The following TTN variants were observed in gnomAD, a reference collection of about 807,000 sequenced individuals.
The protein encoded by TTN is connectin.
Under a neutral mutation model 3,223.0 loss-of-function variants are expected in TTN, and 1,525 were observed. The ratio of observed to expected loss-of-function variants is 0.47; its 90% CI spans 0.45 to 0.49. The LOEUF is 0.49. Ranked by LOEUF, TTN falls within the 20% of genes least tolerant of loss-of-function variation. The pLI is 0.00. For missense variants in TTN, 40,786 were observed against 43,424.0 expected (o/e 0.94, Z 5.40); for synonymous variants, 14,094 against 15,161.0 (o/e 0.93, Z 5.17).
At position 178,539,811 on chromosome 2, in the gene TTN, C is replaced by T. The variant is rs1239140833; in HGVS notation, c.98254G>A (p.Ala32752Thr). 2 of 1,613,842 alleles carry T rather than the reference C, an allele frequency of 1.2e-6. No homozygotes were observed. The highest frequency in any genetic ancestry group is 2.2e-5 in the South Asian group (2 of 91,078). ...AGCTCAGTGTGTGTTTCAGATGTTGCAATCATGGCACGCTTACTAATATCC... is the reference window on the plus strand; with the variant it reads ...AGCTCAGTGTGTGTTTCAGATGTTGTAATCATGGCACGCTTACTAATATCC... ...GQDISKRAMI[A>T]TSETHTELVI... The change falls in exon 352 of 363, where the codon GCA (alanine) becomes ACA (threonine). Residue 32752 changes from alanine (A) to threonine (T), a missense_variant. Transcript: ENST00000589042.
At position 178,576,376 on chromosome 2, in the gene TTN, A is replaced by G; in HGVS notation, c.69756T>C (p.Thr23252=). Residue 23252 remains threonine (T), a synonymous_variant, in exon 326 of 363, where the codon ACT becomes ACC. Coordinates refer to ENST00000589042, the MANE Select transcript of TTN (RefSeq NM_001267550.2). This position sits in a 1 kb window ranked among gnomAD's most constrained non-coding sequence, Gnocchi z 4.3. ...ATGCCAAAGAAGCAGATTTCTTGGT[A>G]GTATCAGTGACATGCGGATTTGAAG... is the stretch of plus-strand genomic sequence containing the variant. ...GPPSNPHVTD[T]TKKSASLAWG... 6.4e-7 allele frequency: 1 copy of G among 1,559,752 alleles called. No individual in the cohort carries two copies. Among genetic ancestry groups the G allele is most frequent in the African/African-American group, 1.4e-5 (1 of 72,344 alleles).
At chr2:178,602,677 T>C in intron 282 of TTN, 87 bp from the exon 283 acceptor site, 1 of 967,190 alleles carries the variant, frequency 1.0e-6, no homozygotes, top group East Asian at 3.1e-5. Flanking sequence ...TCATATATTA[T>C]TTTAATCTAT....
chr2:178,639,819 T>C (rs72650073), intron 222 of TTN, 31 bp from the exon 223 acceptor site: 364 of 1,542,632 alleles, frequency 2.4e-4, no homozygotes, highest in Non-Finnish European at 3.0e-4. Flanking sequence ...CATTAGTGTA[T>C]CAATTTGTCA....
chr2:178,669,384 G>A lies in TTN; in HGVS notation c.35534C>T (p.Thr11845Ile), dbSNP rs1449579730. 1 of 1,522,376 alleles carries A rather than the reference G, an allele frequency of 6.6e-7. No individual in the cohort carries two copies. Among genetic ancestry groups the A allele is most frequent in the Non-Finnish European group, 8.7e-7 (1 of 1,145,420 alleles). The allele number at this position is 1,522,376 out of a possible 1,614,324, so 94.3% of individuals were successfully genotyped here. The change falls in exon 159 of 363, where the codon ACA (threonine) becomes ATA (isoleucine). Residue 11845 changes from threonine to isoleucine, a missense_variant. Coordinates refer to ENST00000589042, the MANE Select transcript of TTN (RefSeq NM_001267550.2). The stretch of plus-strand genomic sequence containing the variant: ...TTTTCTACACTCACTGTACATCTCT[G>A]TGTCTTCAGAAATAACAATAGGTGA... Reference protein sequence around the residue: ...EKSPIVISEDTEMYIYEASEE... With the variant: ...EKSPIVISEDIEMYIYEASEE...
chr2:178,758,862 G>A (rs1191977783), intron 44 of TTN, 122 bp downstream of exon 44: 8 of 1,021,540 alleles, frequency 7.8e-6, no homozygotes, highest in African/African-American at 1.6e-5. Flanking sequence ...GAAATAATTA[G>A]TTGAATTAGA....
chr2:178,599,994 A>G, intron 288 of TTN, 144 bp from the exon 289 acceptor site: 1 of 759,556 alleles, frequency 1.3e-6, no homozygotes, highest in Non-Finnish European at 2.0e-6. Context: ...TTCTGTCTTT[A>G]ACACTATTAC....
At chr2:178,684,237 C>A (rs1266601770) in intron 132 of TTN, 93 bp downstream of exon 132, 29 of 1,426,608 alleles carry the variant, frequency 2.0e-5, no homozygotes, top group Non-Finnish European at 2.7e-5. Context: ...TCAACAACAA[C>A]AACAACAACA....
chr2:178,729,487 C>T lies in TTN; in HGVS notation c.18669G>A (p.Thr6223=), dbSNP rs772600691. ...YSDVELECEV[T]GTPPFEVTWL... ...AAGTGACTTCAAACGGAGGTGTTCC[C>T]GTAACTTCACACTCCAGCTCCACGT... The change falls in exon 64 of 363, where the codon ACG becomes ACA. Residue 6223 remains threonine (T), a synonymous_variant. Coordinates refer to ENST00000589042, the MANE Select transcript of TTN (RefSeq NM_001267550.2). 19 of 1,613,434 alleles carry T rather than the reference C, an allele frequency of 1.2e-5. No individual in the cohort carries two copies. Among genetic ancestry groups the T allele is most frequent in the Middle Eastern group, 1.6e-4 (1 of 6,072 alleles).
In TTN at chr2:178,597,675, T is replaced by C; in HGVS notation, c.57407A>G (p.Glu19136Gly). The C allele has an allele frequency of 6.2e-7, 1 of 1,613,366 alleles. No homozygotes were observed. Among genetic ancestry groups the C allele is most frequent in the Non-Finnish European group, 8.5e-7 (1 of 1,179,554 alleles). The change falls in exon 294 of 363, where the codon GAA becomes GGA. Residue 19136 changes from glutamate (E) to glycine (G), a missense_variant. By Grantham distance (98) the Glu-to-Gly change is moderately conservative (BLOSUM62 -2). Transcript: ENST00000589042. ...AATGGCTGTGGTCTCAATGGTGGCTTCTTGAGGTAAGGTTCTTTCATTCAT... is the reference window on the plus strand; with the variant it reads ...AATGGCTGTGGTCTCAATGGTGGCTCCTTGAGGTAAGGTTCTTTCATTCAT... ...WNMNERTLPQ[E>G]ATIETTAISS... is the part of the protein sequence containing the mutation.
chr2:178,688,603 T>C, intron 126 of TTN, 74 bp downstream of exon 126: 2 of 1,010,414 alleles, frequency 2.0e-6, no homozygotes, highest in Non-Finnish European at 1.6e-6. Flanking sequence ...AAGTAAACAA[T>C]CACATGTGGA....
At chr2:178,794,784 T>C (rs2093680395) in intron 7 of TTN, 138 bp downstream of exon 7, 2 of 1,196,202 alleles carry the variant, frequency 1.7e-6, no homozygotes, top group Non-Finnish European at 2.4e-6. Context: ...ACTACTGAAT[T>C]TGGTCTTCAG....
Position 178,611,071 on chromosome 2 carries a change from C to T in TTN, c.51058G>A (p.Ala17020Thr). Residue 17020 changes from alanine to threonine, a missense_variant, in exon 270 of 363, where the codon GCA (alanine) becomes ACA (threonine). Coordinates refer to ENST00000589042, the MANE Select transcript of TTN (RefSeq NM_001267550.2). ...GTAATGGTATAAATTCCGGCATCTG[C>T]ACGGACACTCTTGGGAACTTCAAGG... ...AHLEVPKSVRADAGIYTITLE... is the reference protein window; with the variant it reads ...AHLEVPKSVRTDAGIYTITLE... The T allele has an allele frequency of 6.2e-7, 1 of 1,612,820 alleles. No individual in the cohort carries two copies. Among genetic ancestry groups the T allele is most frequent in the Non-Finnish European group, 8.5e-7 (1 of 1,179,190 alleles).
chr2:178,745,432 T>C (rs550448477), intron 47 of TTN: 1 of 1,453,544 alleles, frequency 6.9e-7, no homozygotes, highest in African/African-American at 1.4e-5. Flanking sequence ...AAGATGAGAT[T>C]TCTACATAGA....
At chr2:178,615,080 T>A in intron 259 of TTN, 112 bp from the exon 260 acceptor site, 1 of 1,056,048 alleles carries the variant, frequency 9.5e-7, no homozygotes, top group Non-Finnish European at 1.3e-6. Flanking sequence ...AGTCTTTAAA[T>A]TAAACCTGGA....
chr2:178,710,637 T>G lies in TTN; in HGVS notation c.28460A>C (p.Lys9487Thr), dbSNP rs779699319. The G allele has an allele frequency of 6.2e-7, 1 of 1,602,434 alleles. No homozygotes were observed. Among genetic ancestry groups the G allele is most frequent in the East Asian group, 2.2e-5 (1 of 44,626 alleles). The change falls in exon 98 of 363, where the codon AAA becomes ACA. Residue 9487 changes from lysine to threonine, a missense_variant and splice_region_variant. Physicochemically the swap from Lys to Thr is moderately conservative, Grantham distance 78. Transcript: ENST00000589042. ...ACCACTTGCAAAATAAACGATACCT[T>G]TTATATTCAGCTGAGCTGTGCAAGA... ...KDSCTAQLNIKERLIPPSFTK... is the reference protein window; with the variant it reads ...KDSCTAQLNITERLIPPSFTK...
intron 339 of TTN, 48 bp from the exon 340 acceptor site, chr2:178,547,353 CA>C: frequency 6.4e-7 from 1 of 1,571,730 alleles, no homozygotes; most frequent in Non-Finnish European, 8.6e-7. Context: ...TTATAAAATT[CA>C]GGGGAAACAT....
In TTN at chr2:178,652,116, G is replaced by A. The variant is rs373791597; in HGVS notation, c.39275C>T (p.Pro13092Leu). 5.1e-5 allele frequency: 82 copies of A among 1,612,722 alleles called. No individual in the cohort carries two copies. The highest frequency in any genetic ancestry group is 6.6e-5 in the Non-Finnish European group (78 of 1,179,692). The change falls in exon 204 of 363, where the codon CCG (proline) becomes CTG (leucine). Residue 13092 changes from proline (P) to leucine (L), a missense_variant. Transcript: ENST00000589042. The part of the protein sequence containing the change: ...KKVPEAIPPK[P>L]ESPPPEVFEE... ...ATTACCTTCAGGGGGAGGACTTTCC[G>A]GTTTGGGAGGAATAGCTTCAGGCAC...
At chr2:178,643,822 T>C in intron 218 of TTN, among the ~76,000 whole-genome samples, 1 of 151,966 alleles carries the variant, frequency 6.6e-6, no homozygotes, top group East Asian at 1.9e-4. Flanking sequence ...GAAACAGTCT[T>C]AATTTCTAGG....
In TTN at chr2:178,717,215, C is replaced by T; in HGVS notation, c.25519G>A (p.Val8507Ile). 1 of 1,613,676 alleles carries T rather than the reference C, an allele frequency of 6.2e-7. No individual in the cohort carries two copies. The highest frequency in any genetic ancestry group is 8.5e-7 in the Non-Finnish European group (1 of 1,179,678). ...RPGGNYKMTLVENTATLTVLK... is the reference protein window; with the variant it reads ...RPGGNYKMTLIENTATLTVLK... ...ACTGTCAGAGTGGCAGTATTTTCTACCAAAGTCATCTTGTAGTTGCCTCCA... is the reference window on the plus strand; with the variant it reads ...ACTGTCAGAGTGGCAGTATTTTCTATCAAAGTCATCTTGTAGTTGCCTCCA... Residue 8507 changes from valine to isoleucine, a missense_variant, in exon 88 of 363, where the codon GTA becomes ATA. Transcript: ENST00000589042.
Sources: gnomAD v4.1 joint callset for allele counts (sites outside exome capture counted in the v4.1 genomes callset) on GRCh38, gnomAD v4.1.1 for gene constraint, Gnocchi (gnomAD v3.1) non-coding constraint, MANE v1.5 for transcripts, NCBI Gene and HGNC (gene_info 2026-07-23, HGNC 2026-07-21) for gene names.